ZNF578: variants seen among roughly 807,000 people sequenced by gnomAD.
The protein encoded by ZNF578 is zinc finger protein 578, also known as Putative chemokine-related protein B42.
A neutral mutation model predicts 8.3 loss-of-function variants in ZNF578; 8 were observed. The observed-to-expected ratio is 0.96, with a 90% CI of 0.56 to 1.74. The LOEUF (loss-of-function observed/expected upper bound fraction) is 1.74, where lower values mean the gene tolerates loss of function less well. Among genes scored for constraint, ZNF578 ranks in the 40% most tolerant of loss-of-function variants. ZNF578 has a pLI of 0.00. For missense variants in ZNF578, 726 were observed against 707.5 expected (o/e 1.03, Z -0.30); for synonymous variants, 206 against 232.2 (o/e 0.89, Z 1.03).
intron 2 of ZNF578, among the ~76,000 whole-genome samples, chr19:52,462,473 C>A (rs748796595): frequency 1.3e-5 from 2 of 152,110 alleles, no homozygotes; most frequent in African/African-American, 4.8e-5. Context: ...AAGTGACAGA[C>A]CTAATTAAAG....
At chr19:52,508,115 G>A (rs1305583492) in intron 5 of ZNF578, among the ~76,000 whole-genome samples, 2 of 151,994 alleles carry the variant, frequency 1.3e-5, no homozygotes, top group South Asian at 2.1e-4. Context: ...GGGAGGCCGC[G>A]CAGTGCAGAT....
chr19:52,507,123 C>T (rs2059428156), intron 5 of ZNF578, among the ~76,000 whole-genome samples: 2 of 152,172 alleles, frequency 1.3e-5, no homozygotes, highest in Non-Finnish European at 2.9e-5. Context: ...CGTGATGGCT[C>T]ACGCCTATAA....
intron 3 of ZNF578, among the ~76,000 whole-genome samples, chr19:52,498,683 G>GTTTTTTTTTTTTTTT (rs1568464235): frequency 1.6e-5 from 1 of 61,704 alleles, no homozygotes; most frequent in African/African-American, 1.2e-4. Flanking sequence ...TCGCCTGGCC[G>GTTTTTTTTTTTTTTT]CTTTTTTTTT....
At chr19:52,489,983 C>T (rs2059359823) in intron 2 of ZNF578, among the ~76,000 whole-genome samples, 1 of 152,192 alleles carries the variant, frequency 6.6e-6, no homozygotes. Context: ...CTCACAGACA[C>T]CATCTGCAGA....
intron 1 of ZNF578, chr19:52,456,290 G>C (rs904645271): frequency 6.6e-6 from 1 of 152,034 alleles, no homozygotes; most frequent in Non-Finnish European, 1.5e-5. Flanking sequence ...GAAGATAGGG[G>C]TTGTTCTGGG....
chr19:52,512,047 A>G lies in ZNF578; in HGVS notation c.1666A>G (p.Asn556Asp). The change falls in exon 6 of 6, where the codon AAC becomes GAC. Residue 556 changes from asparagine (N) to aspartate (D), a missense_variant. Asn to Asp is a conservative substitution (Grantham distance 23). Transcript: ENST00000421239. The stretch of plus-strand genomic sequence containing the variant: ...TTTCATGTGCCATTCTTATCTGGCA[A>G]ACCATACTAGAATTCATAGCGGAGA... ...KAFMCHSYLA[N>D]HTRIHSGEKP... is the part of the protein sequence containing the mutation. The G allele has an allele frequency of 3.7e-6, 6 of 1,613,976 alleles. No individual in the cohort carries two copies. The highest frequency in any genetic ancestry group is 5.1e-6 in the Non-Finnish European group (6 of 1,179,972).
At position 52,510,906 on chromosome 19, in the gene ZNF578, A is replaced by G. The variant is rs565058225; in HGVS notation, c.525A>G (p.Lys175=). 4.3e-6 allele frequency: 7 copies of G among 1,614,180 alleles called. No individual in the cohort carries two copies. The African/African-American group carries it at 5.3e-5, about 12-fold the overall frequency. ...TCCACATATTTCAGCCCGAAGAGAAAATTGCTAATCAAGTGGAGAAGTCTG... is the reference window on the plus strand; with the variant it reads ...TCCACATATTTCAGCCCGAAGAGAAGATTGCTAATCAAGTGGAGAAGTCTG... ...PELHIFQPEE[K]IANQVEKSVN... Residue 175 remains lysine (K), a synonymous_variant, in exon 6 of 6, where the codon AAA becomes AAG. Transcript: ENST00000421239.
chr19:52,516,785 A>G lies in ZNF578; in HGVS notation c.*4631A>G, dbSNP rs1052859. 3.9e-5 allele frequency among the ~76,000 whole-genome samples: 6 copies of G among 152,244 alleles called. No homozygotes were observed. Among genetic ancestry groups the G allele is most frequent in the East Asian group, 1.9e-4 (1 of 5,152 alleles). On this transcript the variant is annotated 3_prime_UTR_variant, in exon 6 of 6. Transcript: ENST00000421239. ...CTCCACCGCCTGTCCCAAAAGCTAC[A>G]AGAACTAATGATAATCCCACCATAC...
intron 2 of ZNF578, among the ~76,000 whole-genome samples, chr19:52,471,562 C>T (rs2059291852): frequency 6.6e-6 from 1 of 152,170 alleles, no homozygotes; most frequent in Admixed American, 6.5e-5. Flanking sequence ...GAAGTTCAAA[C>T]CACAAGTGGG....
At chr19:52,492,656 G>A (rs1175219901) in intron 3 of ZNF578, among the ~76,000 whole-genome samples, 3 of 152,120 alleles carry the variant, frequency 2.0e-5, no homozygotes, top group Admixed American at 6.5e-5. Context: ...AAACAGAGGA[G>A]CTGCCTGCCA....
chr19:52,472,892 G>A lies in ZNF578; in HGVS notation c.-122+15934G>A, dbSNP rs542034397. On this transcript the variant is annotated intron_variant, in intron 2 of 5. Transcript: ENST00000421239. ...ATATAACTGATCATTTCCACATGCC[G>A]TTGAACCTTTGGTACACATCATGTC... Among the ~76,000 whole-genome samples the A allele has an allele frequency of 3.9e-5, 6 of 152,204 alleles. No homozygotes were observed. The South Asian group carries it at 8.3e-4, about 21-fold the overall frequency.
chr19:52,485,189 C>T (rs1300994814), intron 2 of ZNF578, among the ~76,000 whole-genome samples: 1 of 151,968 alleles, frequency 6.6e-6, no homozygotes, highest in Non-Finnish European at 1.5e-5. Context: ...GTCTATCTTG[C>T]TTGTTCTGTG....
intron 2 of ZNF578, among the ~76,000 whole-genome samples, chr19:52,477,015 A>G (rs2059310260): frequency 6.6e-6 from 1 of 152,210 alleles, no homozygotes; most frequent in African/African-American, 2.4e-5. Context: ...CAATTGAGCA[A>G]TATATTCTCC....
rs111425521 is a variant in ZNF578, at chr19:52,498,305, C to T, written c.-19-3522C>T. Among the ~76,000 whole-genome samples the T allele has an allele frequency of 7.7e-3, 1,156 of 149,656 alleles. 11 individuals are homozygous for T. Among genetic ancestry groups the T allele is most frequent in the African/African-American group, 0.027 (1,101 of 40,440 alleles). ...CCGAGTAGCAGAGACTACAGGTGCC[C>T]ACCACCACGCCTGGCTAATGTGTGT... On this transcript the variant is annotated intron_variant, in intron 3 of 5. Coordinates refer to ENST00000421239, the MANE Select transcript of ZNF578 (RefSeq NM_001099694.2).
intron 2 of ZNF578, among the ~76,000 whole-genome samples, chr19:52,467,256 T>A (rs2059278169): frequency 6.6e-6 from 1 of 152,024 alleles, no homozygotes; most frequent in African/African-American, 2.4e-5. Flanking sequence ...AGTGATCTGC[T>A]GGCCTCAGCC....
At chr19:52,497,130 C>T (rs329927) in intron 3 of ZNF578, among the ~76,000 whole-genome samples, 2,953 of 152,062 alleles carry the variant, frequency 0.019, 102 homozygotes, top group African/African-American at 0.068. Flanking sequence ...TTTGTTGAGA[C>T]TCTCTGTCAC....
chr19:52,474,138 G>A (rs1026808756), intron 2 of ZNF578: 16 of 327,102 alleles, frequency 4.9e-5, no homozygotes, highest in Middle Eastern at 4.0e-4. Context: ...ACCTTGCCAC[G>A]TTCATGACAT....
intron 2 of ZNF578, among the ~76,000 whole-genome samples, chr19:52,490,433 C>T (rs927084230): frequency 1.3e-5 from 2 of 152,084 alleles, no homozygotes; most frequent in Admixed American, 6.6e-5. Flanking sequence ...TAGAATTCTG[C>T]AGGCTGTATA....
Position 52,511,588 on chromosome 19 carries a change from G to A in ZNF578, c.1207G>A (p.Glu403Lys), listed in dbSNP as rs368055086. 5.0e-6 allele frequency: 8 copies of A among 1,613,164 alleles called. No individual in the cohort carries two copies. The African/African-American group carries it at 1.1e-4, about 22-fold the overall frequency. ...TGGAGAGAAACCTTACAAGTGTAAT[G>A]AATGTGGCAAGGCTTTTAATCAACA... ...HTGEKPYKCN[E>K]CGKAFNQQSH... Residue 403 changes from glutamate (E) to lysine (K), a missense_variant, in exon 6 of 6, where the codon GAA becomes AAA. Transcript: ENST00000421239.
Sources: allele counts gnomAD v4.1 joint callset (sites outside exome capture counted in the v4.1 genomes callset), GRCh38; gene constraint gnomAD v4.1.1; transcripts MANE v1.5; gene names NCBI Gene and HGNC (gene_info 2026-07-23, HGNC 2026-07-21).